The following COL5A2 variants were observed in gnomAD, a reference collection of about 807,000 sequenced individuals.
The protein encoded by COL5A2 is collagen type V alpha 2 chain.
Under a neutral mutation model 208.2 loss-of-function variants are expected in COL5A2, and 23 were observed. That is an observed-to-expected ratio of 0.11 (90% confidence interval 0.08 to 0.16). COL5A2 has a LOEUF of 0.16. COL5A2 is among the 10% of genes least tolerant of loss of function. COL5A2 has a pLI of 1.00. For synonymous variants in COL5A2, 625 were observed against 628.5 expected, an observed-to-expected ratio of 0.99 and a Z score of 0.08; for missense variants, 1,590 against 1,956.4, an observed-to-expected ratio of 0.81 and a Z score of 3.53.
chr2:189,374,193 T>C, the COL5A2 span, among the ~76,000 whole-genome samples: 2 of 152,130 alleles, frequency 1.3e-5, no homozygotes, highest in African/African-American at 2.4e-5. Context: ...AAATGACACA[T>C]AGTGCATGAG....
At chr2:189,177,978 G>C (rs377628101) in intron 1 of COL5A2, among the ~76,000 whole-genome samples, 1 of 152,022 alleles carries the variant, frequency 6.6e-6, no homozygotes, top group African/African-American at 2.4e-5. Flanking sequence ...TGTTTTGGTG[G>C]GGGAGGGGAG....
chr2:189,423,770 G>T, the COL5A2 span, among the ~76,000 whole-genome samples: 1 of 152,022 alleles, frequency 6.6e-6, no homozygotes, highest in Non-Finnish European at 1.5e-5. Context: ...CTTCATTGCT[G>T]AATTCTACCA....
the COL5A2 span, among the ~76,000 whole-genome samples, chr2:189,241,201 T>C: frequency 2.6e-5 from 4 of 152,176 alleles, no homozygotes; most frequent in African/African-American, 9.7e-5. Flanking sequence ...CCATCTTCCC[T>C]TTTTTCCCTT....
At chr2:189,377,364 G>A in the COL5A2 span, among the ~76,000 whole-genome samples, 1 of 152,090 alleles carries the variant, frequency 6.6e-6, no homozygotes, top group Non-Finnish European at 1.5e-5. Flanking sequence ...GGAGCACTTT[G>A]TACAGACCTA....
the COL5A2 span, among the ~76,000 whole-genome samples, chr2:189,346,995 A>G: frequency 1.1e-4 from 17 of 152,208 alleles, no homozygotes; most frequent in Non-Finnish European, 1.8e-4. Flanking sequence ...AGAATAAAAC[A>G]AATTTTAAAA....
intron 1 of COL5A2, among the ~76,000 whole-genome samples, chr2:189,149,372 T>A (rs1045249777): frequency 1.3e-5 from 2 of 152,148 alleles, no homozygotes. Flanking sequence ...ATTAATAATA[T>A]TGGAACCTTA....
chr2:189,057,332 G>A lies in COL5A2; in HGVS notation c.2325C>T (p.Pro775=), dbSNP rs1685922267. The change falls in exon 34 of 54, where the codon CCC becomes CCT. Residue 775 remains proline (P), a synonymous_variant. Coordinates refer to ENST00000374866, the MANE Select transcript of COL5A2 (RefSeq NM_000393.5). ...GERGIAGTPG[P]KGDRGGIGEK... Reference sequence around the variant, plus strand: ...AAAAAGGACTTACTCTGTCACCCTTGGGGCCAGGAGTTCCTGCAATTCCTC... The same window carrying A: ...AAAAAGGACTTACTCTGTCACCCTTAGGGCCAGGAGTTCCTGCAATTCCTC... 3 of 1,525,052 alleles carry A rather than the reference G, an allele frequency of 2.0e-6. No homozygotes were observed. The highest frequency in any genetic ancestry group is 2.7e-6 in the Non-Finnish European group (3 of 1,105,900). 94.5% of individuals were successfully genotyped at this position (1,525,052 alleles called of 1,614,324 possible).
chr2:189,047,680 A>C (rs1685698953), intron 45 of COL5A2, among the ~76,000 whole-genome samples: 1 of 152,184 alleles, frequency 6.6e-6, no homozygotes, highest in African/African-American at 2.4e-5. Context: ...TTTTGCCTTC[A>C]GTGGCCCATC....
the COL5A2 span, among the ~76,000 whole-genome samples, chr2:189,417,069 A>G: frequency 6.6e-6 from 1 of 152,286 alleles, no homozygotes; most frequent in Non-Finnish European, 1.5e-5. Flanking sequence ...TTTATGGCAT[A>G]AGGATTACCA....
chr2:189,346,065 T>C, the COL5A2 span, among the ~76,000 whole-genome samples: 1 of 152,198 alleles, frequency 6.6e-6, no homozygotes, highest in East Asian at 1.9e-4. Context: ...ATGATTAGTT[T>C]AAAAAATCCT....
chr2:189,176,229 T>C (rs548695800), intron 1 of COL5A2, among the ~76,000 whole-genome samples: 121 of 152,304 alleles, frequency 7.9e-4, no homozygotes, highest in Middle Eastern at 3.4e-3. Flanking sequence ...TGCAACATGA[T>C]GGCTGTAAAT....
At chr2:189,193,437 T>C (rs1396991351) in intron 1 of COL5A2, among the ~76,000 whole-genome samples, 1 of 152,162 alleles carries the variant, frequency 6.6e-6, no homozygotes, top group African/African-American at 2.4e-5. Flanking sequence ...CTTATGACCA[T>C]AAGAGTTTCA....
chr2:189,044,225 A>G (rs893017358), intron 47 of COL5A2, among the ~76,000 whole-genome samples: 1 of 152,132 alleles, frequency 6.6e-6, no homozygotes, highest in Admixed American at 6.5e-5. Context: ...TTTTTCCCTT[A>G]TTGTTTTGAT....
chr2:189,307,019 G>A, the COL5A2 span, among the ~76,000 whole-genome samples: 3 of 152,070 alleles, frequency 2.0e-5, no homozygotes, highest in Admixed American at 6.6e-5. Flanking sequence ...TATTTTGTAT[G>A]TCTTTGTCTG....
the COL5A2 span, among the ~76,000 whole-genome samples, chr2:189,241,366 C>G: frequency 6.6e-6 from 1 of 152,136 alleles, no homozygotes; most frequent in Non-Finnish European, 1.5e-5. Flanking sequence ...CCCCCAGGAT[C>G]TATAAAAATA....
At chr2:189,076,820 C>A (rs1481411440) in intron 16 of COL5A2, among the ~76,000 whole-genome samples, 1 of 152,108 alleles carries the variant, frequency 6.6e-6, no homozygotes, top group South Asian at 2.1e-4. Context: ...GTGACTCATG[C>A]CTGTAATTCC....
At chr2:189,289,730 C>T in the COL5A2 span, among the ~76,000 whole-genome samples, 1 of 152,146 alleles carries the variant, frequency 6.6e-6, no homozygotes, top group Non-Finnish European at 1.5e-5. Context: ...TATTTCCGAA[C>T]ACCTAGGTTT....
intron 1 of COL5A2, among the ~76,000 whole-genome samples, chr2:189,218,322 G>C (rs1425421418): frequency 2.0e-5 from 3 of 152,102 alleles, no homozygotes; most frequent in Admixed American, 6.6e-5. Context: ...TCCAATGACT[G>C]GTTCCTTTAT....
the COL5A2 span, among the ~76,000 whole-genome samples, chr2:189,291,273 A>G: frequency 6.6e-6 from 1 of 152,090 alleles, no homozygotes; most frequent in East Asian, 1.9e-4. Flanking sequence ...ATATCCACTC[A>G]ATAGAGAAGG....
Sources: allele counts gnomAD v4.1 joint callset (sites outside exome capture counted in the v4.1 genomes callset), GRCh38; gene constraint gnomAD v4.1.1; transcripts MANE v1.5; gene names NCBI Gene and HGNC (gene_info 2026-07-23, HGNC 2026-07-21).